TLE2: variants seen among roughly 807,000 people sequenced by gnomAD.
The protein encoded by TLE2 is TLE family member 2, transcriptional corepressor.
A neutral mutation model predicts 97.2 loss-of-function variants in TLE2; 74 were observed. That is an observed-to-expected ratio of 0.76 (90% CI 0.63 to 0.92). The LOEUF (loss-of-function observed/expected upper bound fraction) is 0.92, where lower values mean the gene tolerates loss of function less well. Ranked by LOEUF, TLE2 falls within the 40% of genes least tolerant of loss-of-function variation. TLE2 has a pLI of 0.00. For synonymous variants in TLE2, 499 were observed against 432.1 expected, an observed-to-expected ratio of 1.15 and a Z score of -1.92; for missense variants, 1,038 against 1,008.7, an observed-to-expected ratio of 1.03 and a Z score of -0.39.
intron 4 of TLE2, 64 bp from the exon 5 acceptor site, chr19:3,025,146 C>G (rs2089920214): frequency 1.4e-6 from 2 of 1,463,860 alleles, no homozygotes; most frequent in South Asian, 1.3e-5. Flanking sequence ...GCTCTGGACT[C>G]CCAGGCGGAC....
chr19:3,023,923 G>GA (rs1568247603), intron 5 of TLE2, among the ~76,000 whole-genome samples: 1 of 136,474 alleles, frequency 7.3e-6, no homozygotes, highest in Admixed American at 7.5e-5. Flanking sequence ...AAAAGAAAAA[G>GA]AAAAAAGAAA....
At chr19:3,000,760 C>CACTAACGA in intron 18 of TLE2, 37 bp from the exon 19 acceptor site, 1 of 1,536,250 alleles carries the variant, frequency 6.5e-7, no homozygotes, top group Non-Finnish European at 8.8e-7. Context: ...AAGGAGGGGG[C>CACTAACGA]ACTAACGAGA....
At chr19:3,030,171 G>GT (rs2090011815), upstream of TLE2, among the ~76,000 whole-genome samples, 2 of 152,150 alleles carry the variant, frequency 1.3e-5, no homozygotes, top group African/African-American at 4.8e-5. Context: ...TTCCACAGAT[G>GT]GGAATTGTGT....
At chr19:3,009,842 A>T in intron 12 of TLE2, 140 bp from the exon 13 acceptor site, 1 of 913,970 alleles carries the variant, frequency 1.1e-6, no homozygotes, top group South Asian at 1.9e-5. Context: ...ACACCTCCAG[A>T]CCTCTGCACT....
chr19:3,006,230 G>T (rs913610246), intron 15 of TLE2, 190 bp downstream of exon 15: 178 of 1,003,186 alleles, frequency 1.8e-4, no homozygotes, highest in Non-Finnish European at 2.5e-4. Flanking sequence ...GTCCAATTCA[G>T]ATTGGCCAGA....
chr19:3,027,809 C>G lies in TLE2; in HGVS notation c.231+20G>C, dbSNP rs976398649. ...ACCCCCACCCTCCCTCCTGAACACG[C>G]GTAACCCCAACCCAGTTACCTGCTT... On this transcript the variant is annotated intron_variant, in intron 4 of 19. Coordinates refer to ENST00000262953, the MANE Select transcript of TLE2 (RefSeq NM_003260.5). 1.9e-6 allele frequency: 3 copies of G among 1,609,088 alleles called. No individual in the cohort carries two copies.
intron 5 of TLE2, among the ~76,000 whole-genome samples, chr19:3,022,466 T>C (rs987268482): frequency 4.6e-5 from 7 of 151,254 alleles, no homozygotes; most frequent in South Asian, 2.1e-4. Context: ...GAGGCAGAGA[T>C]TGCAGTGAGC....
chr19:3,036,417 A>G (rs2090063492), intron 1 of TLE2, among the ~76,000 whole-genome samples: 1 of 151,986 alleles, frequency 6.6e-6, no homozygotes, highest in South Asian at 2.1e-4. Flanking sequence ...GTATAATTAC[A>G]GCCCATTGAT....
intron 4 of TLE2, 43 bp downstream of exon 4, chr19:3,027,786 C>T: frequency 1.3e-6 from 2 of 1,591,280 alleles, no homozygotes; most frequent in Non-Finnish European, 1.7e-6. Context: ...GCTTCCAGAC[C>T]CCCACCCTCC....
At chr19:3,014,942 A>T (rs1324921857) in intron 9 of TLE2, among the ~76,000 whole-genome samples, 3 of 151,752 alleles carry the variant, frequency 2.0e-5, no homozygotes, top group Non-Finnish European at 2.9e-5. Flanking sequence ...ACCAGCAATC[A>T]TCCTTACCGC....
rs547989300 is a variant in TLE2, at chr19:2,998,662, C to G, written c.2125-707G>C. ...CTCCTGACCTCAGGCGATCCACCGC[C>G]TAGGCCTCCCAAAGTGCTGGGATTA... On this transcript the variant is annotated intron_variant, in intron 19 of 19. Transcript: ENST00000262953. Among the ~76,000 whole-genome samples, 22 of 152,336 alleles carry G rather than the reference C, an allele frequency of 1.4e-4. No homozygotes were observed. In the South Asian group the frequency reaches 4.6e-3, roughly 32 times the overall value.
chr19:3,019,585 G>C lies in TLE2; in HGVS notation c.369+114C>G. 6.6e-7 allele frequency: 1 copy of C among 1,510,974 alleles called. No homozygotes were observed. Among genetic ancestry groups the C allele is most frequent in the Non-Finnish European group, 8.9e-7 (1 of 1,124,798 alleles). 93.6% of individuals were successfully genotyped at this position (1,510,974 alleles called of 1,614,324 possible). On this transcript the variant is annotated intron_variant, in intron 6 of 19. Transcript: ENST00000262953. The surrounding 1 kb of genome is among the most constrained non-coding windows in gnomAD (Gnocchi z 5.1). ...CAGCATGTGCCCCTGGGGTTCCCAG[G>C]ACCACTGGAGCCAAGGCCCACACAC...
At chr19:3,006,364 A>G in intron 15 of TLE2, 56 bp downstream of exon 15, 1 of 1,576,552 alleles carries the variant, frequency 6.3e-7, no homozygotes, top group African/African-American at 1.3e-5. Flanking sequence ...CCCCATTGGA[A>G]CATAAGCCCC....
At chr19:3,045,090 TGTA>T (rs2090132302) in intron 1 of TLE2, among the ~76,000 whole-genome samples, 1 of 152,144 alleles carries the variant, frequency 6.6e-6, no homozygotes, top group Non-Finnish European at 1.5e-5. Flanking sequence ...GGTGTGTGCC[TGTA>T]GTCTTGGCTA....
At position 3,002,343 on chromosome 19, in the gene TLE2, G is replaced by A; in HGVS notation, c.2047+10C>T. The A allele has an allele frequency of 1.2e-6, 2 of 1,602,486 alleles. No homozygotes were observed. Among genetic ancestry groups the A allele is most frequent in the Non-Finnish European group, 1.7e-6 (2 of 1,172,756 alleles). On this transcript the variant is annotated intron_variant, in intron 18 of 19. Coordinates refer to ENST00000262953, the MANE Select transcript of TLE2 (RefSeq NM_003260.5). ...TTTGAGGGCGTGCCACCCCGCCCCA[G>A]AAGACACACCGCAGGAGGCAAACTT...
chr19:3,005,906 G>A lies in TLE2; in HGVS notation c.1563C>T (p.Gly521=), dbSNP rs2089464515. The change falls in exon 16 of 20, where the codon GGC becomes GGT. Residue 521 remains glycine, a synonymous_variant. Transcript: ENST00000262953. ...AAATGGACAAGGTGCTGGCCTCACC[G>A]CCCACGATCAGACTCCGGCCATCCG... is the stretch of plus-strand genomic sequence containing the variant. ...LLPDGRSLIV[G]GEASTLSIWD... 6 of 1,613,372 alleles carry A rather than the reference G, an allele frequency of 3.7e-6. No individual in the cohort carries two copies. The highest frequency in any genetic ancestry group is 2.2e-5 in the East Asian group (1 of 44,876).
At chr19:3,005,253 C>T (rs2089447958) in intron 17 of TLE2, among the ~76,000 whole-genome samples, 184 bp downstream of exon 17, 1 of 152,096 alleles carries the variant, frequency 6.6e-6, no homozygotes, top group Non-Finnish European at 1.5e-5. Context: ...TTTTGTGTTC[C>T]CCTACATCTT....
chr19:3,043,167 C>T (rs751446274), intron 1 of TLE2, among the ~76,000 whole-genome samples: 5 of 151,074 alleles, frequency 3.3e-5, no homozygotes, highest in East Asian at 2.0e-4. Flanking sequence ...CTCACCGTGT[C>T]GCCCAGGCTA....
At chr19:3,022,559 A>C (rs1184309407) in intron 5 of TLE2, among the ~76,000 whole-genome samples, 5 of 152,172 alleles carry the variant, frequency 3.3e-5, no homozygotes, top group Non-Finnish European at 7.3e-5. Flanking sequence ...TAAGGAAAAA[A>C]ATAATAGATT....
Sources: gnomAD v4.1 joint callset for allele counts (sites outside exome capture counted in the v4.1 genomes callset) on GRCh38, gnomAD v4.1.1 for gene constraint, Gnocchi (gnomAD v3.1) non-coding constraint, MANE v1.5 for transcripts, NCBI Gene and HGNC (gene_info 2026-07-23, HGNC 2026-07-21) for gene names.